RADIL: variants seen among roughly 807,000 people sequenced by gnomAD.
RADIL encodes the protein ras-associating and dilute domain-containing protein.
A neutral mutation model predicts 97.6 loss-of-function variants in RADIL; 99 were observed. The ratio of observed to expected loss-of-function variants is 1.01; its 90% CI spans 0.86 to 1.20. The LOEUF (loss-of-function observed/expected upper bound fraction) is 1.20. Among genes scored for constraint, RADIL ranks in the 50% most tolerant of loss-of-function variants. The pLI is 0.00. For missense variants in RADIL, 1,765 were observed against 1,498.9 expected, an observed-to-expected ratio of 1.18 and a Z score of -2.93; for synonymous variants, 803 against 691.8, an observed-to-expected ratio of 1.16 and a Z score of -2.52.
intron 11 of RADIL, among the ~76,000 whole-genome samples, chr7:4,802,628 GA>G (rs1782139948): frequency 7.6e-6 from 1 of 132,378 alleles, no homozygotes. Flanking sequence ...ATGCTGGCTG[GA>G]CCCCCTCCCC....
Position 4,808,782 on chromosome 7 carries a change from C to T in RADIL, c.2140-3066G>A, listed in dbSNP as rs979863536. 7 of 975,178 alleles carry T rather than the reference C, an allele frequency of 7.2e-6. No individual in the cohort carries two copies. In the Admixed American group the frequency reaches 2.0e-4, roughly 27 times the overall value. The allele number at this position is 975,178 out of a possible 1,614,324, so 60.4% of individuals were successfully genotyped here. ...CTGCCCCCCGTTCCGACGCCACTGC[C>T]CTCCATTCCAACACCACTGCCCCTC... On this transcript the variant is annotated intron_variant, in intron 9 of 14. Transcript: ENST00000399583.
chr7:4,801,788 G>A lies in RADIL; in HGVS notation c.2707C>T (p.Leu903Phe). ...GPPHTDSSCL[L>F]TPPSTPLGPE... The stretch of plus-strand genomic sequence containing the variant: ...CCAAGTGGAGTGCTGGGAGGCGTGA[G>A]CAAGCAGGACGAGTCCGTGTGCGGG... The change falls in exon 12 of 15, where the codon CTC becomes TTC. Residue 903 changes from leucine to phenylalanine, a missense_variant. Coordinates refer to ENST00000399583, the MANE Select transcript of RADIL (RefSeq NM_018059.5). 1 of 1,610,140 alleles carries A rather than the reference G, an allele frequency of 6.2e-7. No individual in the cohort carries two copies. The highest frequency in any genetic ancestry group is 2.2e-5 in the East Asian group (1 of 44,790).
chr7:4,860,564 T>C (rs371948884), intron 2 of RADIL: 58 of 1,614,126 alleles, frequency 3.6e-5, no homozygotes, highest in Non-Finnish European at 4.7e-5. Context: ...TGGATTCACA[T>C]GTGCCAGTGT....
chr7:4,809,221 A>G, intron 9 of RADIL: 1 of 985,152 alleles, frequency 1.0e-6, no homozygotes, highest in South Asian at 4.7e-5. Context: ...GGGCCTGCCC[A>G]TCTCCCGCAG....
intron 2 of RADIL, among the ~76,000 whole-genome samples, chr7:4,856,797 A>G (rs1274824026): frequency 6.6e-6 from 1 of 152,266 alleles, no homozygotes. Context: ...GGAAGGTTCT[A>G]TAATAAACAT....
At position 4,811,122 on chromosome 7, in the gene RADIL, CAG is replaced by C. The variant is rs1453180911; in HGVS notation, c.2139+4154_2139+4155del. The stretch of plus-strand genomic sequence containing the variant: ...ACTGCACTCCATCCAGCCTGGACGA[CAG>C]AGTGAGACTCCGTCTCAAAAAACAA... On this transcript the variant is annotated intron_variant, in intron 9 of 14. Coordinates refer to ENST00000399583, the MANE Select transcript of RADIL (RefSeq NM_018059.5). 3.9e-5 allele frequency: 6 copies of C among 151,968 alleles called. No homozygotes were observed. The East Asian group carries it at 9.7e-4, about 24-fold the overall frequency. The allele number at this position is 151,968 out of a possible 1,614,324, so 9.4% of individuals were successfully genotyped here.
intron 2 of RADIL, among the ~76,000 whole-genome samples, chr7:4,838,678 G>A (rs1783364997): frequency 6.6e-6 from 1 of 152,244 alleles, no homozygotes. Flanking sequence ...CATGTGTGCA[G>A]AAGGGCCAGG....
intron 2 of RADIL, chr7:4,860,649 G>A: frequency 6.2e-7 from 1 of 1,614,088 alleles, no homozygotes; most frequent in Non-Finnish European, 8.5e-7. Context: ...CATTCTAAAT[G>A]TTGTTTTTCT....
At chr7:4,861,799 A>AAC in intron 2 of RADIL, 1 of 1,421,314 alleles carries the variant, frequency 7.0e-7, no homozygotes, top group South Asian at 1.6e-5. Flanking sequence ...TTGTCACCGG[A>AAC]AACGGCATCA....
intron 2 of RADIL, chr7:4,838,139 G>A (rs2115006096): frequency 1.3e-5 from 11 of 855,382 alleles, no homozygotes; most frequent in Non-Finnish European, 1.5e-5. Flanking sequence ...CACCACCCGT[G>A]CTCCTGCCGC....
At position 4,834,769 on chromosome 7, in the gene RADIL, C is replaced by G. The variant is rs762086778; in HGVS notation, c.1254G>C (p.Leu418=). ...EFEPHLEDTL[L]QRIMTLIEPG... is the part of the protein sequence containing the mutation. ...GCTCGATCAACGTCATGATCCTCTG[C>G]AGCAGCGTGTCCTCCAGGTGGGGCT... is the stretch of plus-strand genomic sequence containing the variant. Residue 418 remains leucine (L), a synonymous_variant, in exon 4 of 15, where the codon CTG becomes CTC. Coordinates refer to ENST00000399583, the MANE Select transcript of RADIL (RefSeq NM_018059.5). The surrounding 1 kb of genome is among the most constrained non-coding windows in gnomAD (Gnocchi z 6.0). 9.4e-6 allele frequency: 13 copies of G among 1,387,646 alleles called. No individual in the cohort carries two copies. The highest frequency in any genetic ancestry group is 1.1e-5 in the Non-Finnish European group (12 of 1,064,496). The allele number at this position is 1,387,646 out of a possible 1,614,324, so 86.0% of individuals were successfully genotyped here.
intron 2 of RADIL, among the ~76,000 whole-genome samples, chr7:4,876,269 G>A (rs1484065315): frequency 2.0e-5 from 3 of 152,104 alleles, no homozygotes; most frequent in Non-Finnish European, 2.9e-5. Flanking sequence ...GATTACAGGT[G>A]TGAGCCACCA....
Position 4,875,301 on chromosome 7 carries a change from G to T in RADIL, c.535+2304C>A, listed in dbSNP as rs528444500. 2.0e-5 allele frequency among the ~76,000 whole-genome samples: 3 copies of T among 151,890 alleles called. No homozygotes were observed. The East Asian group carries it at 5.8e-4, about 29-fold the overall frequency. On this transcript the variant is annotated intron_variant, in intron 2 of 14. Coordinates refer to ENST00000399583, the MANE Select transcript of RADIL (RefSeq NM_018059.5). ...CCAGCTATTCAGGAGGCTGAGGCAGGAGAATCGTTTGAACCTGGGAGGCAG... is the reference window on the plus strand; with the variant it reads ...CCAGCTATTCAGGAGGCTGAGGCAGTAGAATCGTTTGAACCTGGGAGGCAG...
Position 4,801,812 on chromosome 7 carries a change from G to T in RADIL, c.2683C>A (p.Pro895Thr). The part of the protein sequence containing the change: ...PSRGGSQAGP[P>T]HTDSSCLLTP... ...AGCAAGCAGGACGAGTCCGTGTGCG[G>T]GGGGCCAGCCTGGGAGCCCCCACGG... The change falls in exon 12 of 15, where the codon CCG becomes ACG. Residue 895 changes from proline (P) to threonine (T), a missense_variant. Coordinates refer to ENST00000399583, the MANE Select transcript of RADIL (RefSeq NM_018059.5). 1 of 1,608,486 alleles carries T rather than the reference G, an allele frequency of 6.2e-7. No individual in the cohort carries two copies. The highest frequency in any genetic ancestry group is 8.5e-7 in the Non-Finnish European group (1 of 1,178,302).
At chr7:4,861,658 C>G in intron 2 of RADIL, 1 of 1,605,036 alleles carries the variant, frequency 6.2e-7, no homozygotes, top group Non-Finnish European at 8.5e-7. Context: ...CTTCGAAGAC[C>G]CCGAAGGGCC....
chr7:4,834,991 C>A lies in RADIL; in HGVS notation c.1032G>T (p.Leu344=). 1 of 1,611,336 alleles carries A rather than the reference C, an allele frequency of 6.2e-7. No individual in the cohort carries two copies. The change falls in exon 4 of 15, where the codon CTG becomes CTT. Residue 344 remains leucine, a synonymous_variant. Transcript: ENST00000399583. The surrounding 1 kb of genome is among the most constrained non-coding windows in gnomAD (Gnocchi z 6.0). ...GCAGGTAGTAGAGCCCCAGGGAGAG[C>A]AGGTCCCCGTGGTGCAGCACCACGG... is the stretch of plus-strand genomic sequence containing the variant. The part of the protein sequence containing the change: ...HRTVVLHHGD[L]LSLGLYYLLL...
rs1408120472 is a variant in RADIL, at chr7:4,813,550, G to C, written c.2139+1728C>G. On this transcript the variant is annotated intron_variant, in intron 9 of 14. Coordinates refer to ENST00000399583, the MANE Select transcript of RADIL (RefSeq NM_018059.5). This position sits in a 1 kb window ranked among gnomAD's most constrained non-coding sequence, Gnocchi z 5.0. ...AGATGGCCAGTGCTGTGCTGTTCCAGTTTCTGTTTCCCCACCAGTGGCCCC... is the reference window on the plus strand; with the variant it reads ...AGATGGCCAGTGCTGTGCTGTTCCACTTTCTGTTTCCCCACCAGTGGCCCC... Among the ~76,000 whole-genome samples, 5 of 152,194 alleles carry C rather than the reference G, an allele frequency of 3.3e-5. No homozygotes were observed. Among genetic ancestry groups the C allele is most frequent in the Non-Finnish European group, 7.3e-5 (5 of 68,030 alleles).
In RADIL at chr7:4,803,676, T is replaced by C. The variant is rs187128776; in HGVS notation, c.2369A>G (p.Asn790Ser). The C allele has an allele frequency of 0.021, 32,432 of 1,556,512 alleles. 438 individuals carry two copies. Among genetic ancestry groups the C allele is most frequent in the Middle Eastern group, 0.046 (272 of 5,894 alleles). Residue 790 changes from asparagine (N) to serine (S), a missense_variant, in exon 11 of 15, where the codon AAC (asparagine) becomes AGC (serine). Coordinates refer to ENST00000399583, the MANE Select transcript of RADIL (RefSeq NM_018059.5). ...SDGFQVDLEA[N>S]CLDDSIYQHL... ...CTGGTAGATGCTGTCGTCCAGGCAG[T>C]TGGCTTCCAAGTCCACCTGGAAGCC...
At position 4,821,926 on chromosome 7, in the gene RADIL, A is replaced by G. The variant is rs1043664429; in HGVS notation, c.1615+468T>C. 6.6e-6 allele frequency among the ~76,000 whole-genome samples: 1 copy of G among 152,028 alleles called. No homozygotes were observed. On this transcript the variant is annotated intron_variant, in intron 6 of 14. Transcript: ENST00000399583. The surrounding 1 kb of genome is among the most constrained non-coding windows in gnomAD (Gnocchi z 5.2). ...ATCTGTGAAACCGACATAATCTACA[A>G]TTTCACAACAATGACTGGCAACATC...
Sources: gnomAD v4.1 joint callset for allele counts (sites outside exome capture counted in the v4.1 genomes callset) on GRCh38, gnomAD v4.1.1 for gene constraint, Gnocchi (gnomAD v3.1) non-coding constraint, MANE v1.5 for transcripts, NCBI Gene and HGNC (gene_info 2026-07-23, HGNC 2026-07-21) for gene names.